PASD1: variants seen among roughly 807,000 people sequenced by gnomAD.
The protein encoded by PASD1 is circadian clock protein PASD1.
A neutral mutation model predicts 58.8 loss-of-function variants in PASD1; 13 were observed. The observed-to-expected ratio is 0.22, with a 90% CI of 0.14 to 0.35. The LOEUF (loss-of-function observed/expected upper bound fraction) is 0.35. Among genes scored for constraint, PASD1 ranks in the 10% least tolerant of loss-of-function variants. The pLI, the probability that PASD1 is intolerant of heterozygous loss-of-function variation, is 1.00. For synonymous variants in PASD1, 236 were observed against 216.7 expected, an observed-to-expected ratio of 1.09 and a Z score of -0.78; for missense variants, 734 against 568.3, an observed-to-expected ratio of 1.29 and a Z score of -2.96.
intron 3 of PASD1, among the ~76,000 whole-genome samples, chrX:151,607,866 A>G (rs1475850756): frequency 1.8e-5 from 2 of 111,874 alleles, no homozygotes; most frequent in African/African-American, 6.5e-5. Context: ...CTAGGTTGGG[A>G]CTGCAAAAGC....
chrX:151,587,741 CTT>C (rs2013187890), intron 1 of PASD1, among the ~76,000 whole-genome samples: 1 of 111,812 alleles, frequency 8.9e-6, no homozygotes, highest in Non-Finnish European at 1.9e-5. Context: ...TCCTGGATCT[CTT>C]TTGGAGCATG....
chrX:151,618,912 C>A (rs1471305320), intron 4 of PASD1, among the ~76,000 whole-genome samples: 3 of 111,092 alleles, frequency 2.7e-5, no homozygotes, highest in Non-Finnish European at 5.7e-5. Context: ...GTGGTGAAAG[C>A]CCTTATAAAG....
chrX:151,610,645 A>T (rs2013544054), intron 3 of PASD1, among the ~76,000 whole-genome samples: 1 of 111,321 alleles, frequency 9.0e-6, no homozygotes, highest in Non-Finnish European at 1.9e-5. Flanking sequence ...AATTCTTTGA[A>T]CCCTCACTTT....
chrX:151,675,994 C>T lies in PASD1; in HGVS notation c.2176-3C>T, dbSNP rs1168328882. 4 of 1,207,431 alleles carry T rather than the reference C, an allele frequency of 3.3e-6. No homozygotes were observed. The highest frequency in any genetic ancestry group is 4.5e-6 in the Non-Finnish European group (4 of 894,088). On this transcript the variant is annotated splice_region_variant and splice_polypyrimidine_tract_variant and intron_variant, in intron 15 of 15. Transcript: ENST00000370357. Reference sequence around the variant, plus strand: ...TCCACCTTGTTTCACTTTTTCCTGGCAGGTGCAAGTTTCTGAGGTAGGAGT... The same window carrying T: ...TCCACCTTGTTTCACTTTTTCCTGGTAGGTGCAAGTTTCTGAGGTAGGAGT...
intron 9 of PASD1, among the ~76,000 whole-genome samples, chrX:151,658,536 G>A (rs2014274638): frequency 8.9e-6 from 1 of 112,335 alleles, no homozygotes; most frequent in Non-Finnish European, 1.9e-5. Context: ...CTATGAAGAA[G>A]AACAGAAGGA....
At chrX:151,640,704 C>T (rs1354566793) in intron 8 of PASD1, among the ~76,000 whole-genome samples, 1 of 111,825 alleles carries the variant, frequency 8.9e-6, no homozygotes, top group Non-Finnish European at 1.9e-5. Context: ...GACATTCATT[C>T]TGCCCATGAA....
At chrX:151,579,281 A>C (rs2013052567) in intron 1 of PASD1, among the ~76,000 whole-genome samples, 1 of 112,374 alleles carries the variant, frequency 8.9e-6, no homozygotes. Flanking sequence ...AGTTTAACTT[A>C]AGCCTGTTAC....
At chrX:151,630,382 A>G (rs1247357652) in intron 8 of PASD1, among the ~76,000 whole-genome samples, 1 of 112,118 alleles carries the variant, frequency 8.9e-6, no homozygotes, top group Non-Finnish European at 1.9e-5. Flanking sequence ...CAGAAGTGAC[A>G]TCTGCTCATT....
At position 151,628,416 on chromosome X, in the gene PASD1, A is replaced by C. The variant is rs192843914; in HGVS notation, c.629+2886A>C. 5.2e-3 allele frequency among the ~76,000 whole-genome samples: 589 copies of C among 112,215 alleles called. 6 individuals are homozygous for C. Among genetic ancestry groups the C allele is most frequent in the African/African-American group, 0.017 (528 of 30,893 alleles). On this transcript the variant is annotated intron_variant, in intron 8 of 15. Coordinates refer to ENST00000370357, the MANE Select transcript of PASD1 (RefSeq NM_173493.3). ...AAGGAAGCGATCCAGTTTCAGCTTT[A>C]TACATATGTCTAGCCAGTTTTCCCA...
intron 1 of PASD1, among the ~76,000 whole-genome samples, chrX:151,575,572 A>G (rs994372314): frequency 1.3e-4 from 15 of 111,777 alleles, no homozygotes; most frequent in African/African-American, 4.6e-4. Context: ...TGTACTTGTA[A>G]TGGAAGTAAG....
intron 1 of PASD1, among the ~76,000 whole-genome samples, chrX:151,591,249 A>T (rs1463646938): frequency 8.9e-6 from 1 of 112,110 alleles, no homozygotes; most frequent in Non-Finnish European, 1.9e-5. Flanking sequence ...ACAGAGAGCC[A>T]ATGATGAATT....
intron 1 of PASD1, among the ~76,000 whole-genome samples, chrX:151,568,192 C>G (rs1201333075): frequency 8.9e-6 from 1 of 112,254 alleles, no homozygotes; most frequent in Non-Finnish European, 1.9e-5. Flanking sequence ...TTTATGAGAA[C>G]TAGAATACCG....
intron 8 of PASD1, among the ~76,000 whole-genome samples, chrX:151,629,222 C>G (rs1056939450): frequency 9.0e-6 from 1 of 111,138 alleles, no homozygotes; most frequent in African/African-American, 3.3e-5. Context: ...CGGGTTCAAG[C>G]GATTCTCCTG....
In PASD1 at chrX:151,621,327, A is replaced by G. The variant is rs748844491; in HGVS notation, c.308-155A>G. On this transcript the variant is annotated intron_variant, in intron 5 of 15. Transcript: ENST00000370357. ...GCTGGTGCCCTACTCTACTGATACAACATAGCTAGCTATGTAAGTGCTAAT... is the reference window on the plus strand; with the variant it reads ...GCTGGTGCCCTACTCTACTGATACAGCATAGCTAGCTATGTAAGTGCTAAT... Among the ~76,000 whole-genome samples the G allele has an allele frequency of 5.4e-5, 6 of 111,687 alleles. No homozygotes were observed. In the South Asian group the frequency reaches 2.3e-3, roughly 42 times the overall value.
At chrX:151,627,666 T>C (rs774784974) in intron 8 of PASD1, among the ~76,000 whole-genome samples, 20 of 111,914 alleles carry the variant, frequency 1.8e-4, no homozygotes, top group Non-Finnish European at 2.1e-4. Flanking sequence ...AGTAAACATA[T>C]GTGTGCACGT....
Position 151,676,075 on chromosome X carries a change from C to A in PASD1, c.2254C>A (p.Gln752Lys). ...FQGPAAYQPDQMRSAEQTRLM... is the reference protein window; with the variant it reads ...FQGPAAYQPDKMRSAEQTRLM... ...AGGCCCTGCTGCATACCAGCCAGACCAGATGAGATCTGCGGAGCAGACCAG... is the reference window on the plus strand; with the variant it reads ...AGGCCCTGCTGCATACCAGCCAGACAAGATGAGATCTGCGGAGCAGACCAG... Residue 752 changes from glutamine (Q) to lysine (K), a missense_variant, in exon 16 of 16, where the codon CAG becomes AAG. Gln to Lys is a moderately conservative substitution (Grantham distance 53). Coordinates refer to ENST00000370357, the MANE Select transcript of PASD1 (RefSeq NM_173493.3). The A allele has an allele frequency of 8.3e-7, 1 of 1,211,112 alleles. No homozygotes were observed. Among genetic ancestry groups the A allele is most frequent in the South Asian group, 1.8e-5 (1 of 56,934 alleles).
chrX:151,583,370 C>G (rs887348612), intron 1 of PASD1, among the ~76,000 whole-genome samples: 3 of 111,768 alleles, frequency 2.7e-5, no homozygotes, highest in Non-Finnish European at 5.6e-5. Flanking sequence ...AATCTAAATT[C>G]ACTAACTATG....
At chrX:151,566,508 T>G (rs933857554) in intron 1 of PASD1, among the ~76,000 whole-genome samples, 11 of 111,732 alleles carry the variant, frequency 9.8e-5, no homozygotes, top group African/African-American at 3.6e-4. Context: ...TTGTGACCTT[T>G]GAAAGAGGAG....
intron 1 of PASD1, among the ~76,000 whole-genome samples, chrX:151,598,781 G>A (rs934119089): frequency 1.8e-5 from 2 of 110,715 alleles, no homozygotes; most frequent in Non-Finnish European, 3.8e-5. Context: ...CATACTGTTG[G>A]GGTATGTGTG....
Sources: gnomAD v4.1 joint callset for allele counts (sites outside exome capture counted in the v4.1 genomes callset) on GRCh38, gnomAD v4.1.1 for gene constraint, MANE v1.5 for transcripts, NCBI Gene and HGNC (gene_info 2026-07-23, HGNC 2026-07-21) for gene names.